AKAP19: variants seen among roughly 807,000 people sequenced by gnomAD.
AKAP19 encodes the protein small A-kinase anchoring protein.
the AKAP19 span, among the ~76,000 whole-genome samples, chr2:190,136,155 G>A: frequency 6.6e-6 from 1 of 152,312 alleles, no homozygotes; most frequent in Non-Finnish European, 1.5e-5. Flanking sequence ...CAGGAATTTT[G>A]AGGAAGGGAT....
the AKAP19 span, among the ~76,000 whole-genome samples, chr2:189,906,734 G>T: frequency 6.6e-6 from 1 of 151,990 alleles, no homozygotes; most frequent in African/African-American, 2.4e-5. Context: ...CATTTCAGTT[G>T]TTATAATATG....
chr2:189,953,586 A>G, the AKAP19 span, among the ~76,000 whole-genome samples: 3 of 144,044 alleles, frequency 2.1e-5, no homozygotes, highest in Non-Finnish European at 4.5e-5. Context: ...GTGAGCCCAG[A>G]TTGCACCATT....
chr2:190,191,371 C>G, the AKAP19 span, among the ~76,000 whole-genome samples: 7 of 152,194 alleles, frequency 4.6e-5, no homozygotes, highest in African/African-American at 1.7e-4. Context: ...TCTCAAACTC[C>G]TGACCTCAGG....
At chr2:189,913,309 T>C in the AKAP19 span, among the ~76,000 whole-genome samples, 1 of 152,238 alleles carries the variant, frequency 6.6e-6, no homozygotes, top group Non-Finnish European at 1.5e-5. Context: ...TTCACACTGT[T>C]CTTTCTCATC....
the AKAP19 span, among the ~76,000 whole-genome samples, chr2:189,929,503 A>C: frequency 6.6e-6 from 1 of 152,120 alleles, no homozygotes; most frequent in Non-Finnish European, 1.5e-5. Flanking sequence ...TAGATAAAAC[A>C]CACAGGAAAG....
the AKAP19 span, among the ~76,000 whole-genome samples, chr2:189,951,806 T>C: frequency 6.6e-6 from 1 of 152,204 alleles, no homozygotes; most frequent in African/African-American, 2.4e-5. Flanking sequence ...ATAAGAATTA[T>C]TTTGAGCTGA....
At chr2:190,149,066 C>T in the AKAP19 span, among the ~76,000 whole-genome samples, 8 of 151,148 alleles carry the variant, frequency 5.3e-5, no homozygotes, top group African/African-American at 1.2e-4. Flanking sequence ...CAGGTTCAAG[C>T]GATTCTCCTG....
the AKAP19 span, among the ~76,000 whole-genome samples, chr2:190,124,408 C>T: frequency 6.6e-6 from 1 of 152,198 alleles, no homozygotes; most frequent in Non-Finnish European, 1.5e-5. Context: ...GTACTGAATG[C>T]TACAGGCAAC....
chr2:189,912,665 C>G, the AKAP19 span, among the ~76,000 whole-genome samples: 1 of 152,184 alleles, frequency 6.6e-6, no homozygotes, highest in African/African-American at 2.4e-5. Flanking sequence ...TTATTATTGT[C>G]TCTATGCTTT....
At chr2:190,131,952 T>C in the AKAP19 span, among the ~76,000 whole-genome samples, 10 of 152,132 alleles carry the variant, frequency 6.6e-5, no homozygotes, top group South Asian at 2.1e-3. Context: ...AAAAAAAAAT[T>C]TGCACTAAAA....
chr2:190,050,894 A>C, the AKAP19 span, among the ~76,000 whole-genome samples: 1 of 152,282 alleles, frequency 6.6e-6, no homozygotes. Context: ...AAGTTCAGAC[A>C]TTTGAGAACG....
At chr2:190,162,741 A>G in the AKAP19 span, among the ~76,000 whole-genome samples, 1 of 152,206 alleles carries the variant, frequency 6.6e-6, no homozygotes, top group African/African-American at 2.4e-5. Context: ...GCTCCGATGG[A>G]CATATCAGAG....
At chr2:190,043,013 A>G in the AKAP19 span, among the ~76,000 whole-genome samples, 4 of 152,362 alleles carry the variant, frequency 2.6e-5, no homozygotes, top group South Asian at 8.3e-4. Flanking sequence ...AATGTTGAAT[A>G]TAGACCCCCA....
the AKAP19 span, chr2:190,057,274 C>A: frequency 1.9e-6 from 3 of 1,613,184 alleles, no homozygotes; most frequent in Non-Finnish European, 2.5e-6. Flanking sequence ...GCACCCACAG[C>A]GGTCTACTAC....
chr2:190,032,744 T>C, the AKAP19 span, among the ~76,000 whole-genome samples: 6 of 151,964 alleles, frequency 3.9e-5, no homozygotes, highest in African/African-American at 1.4e-4. Flanking sequence ...CCTGGCAAAA[T>C]GTTTTGTCTG....
the AKAP19 span, among the ~76,000 whole-genome samples, chr2:190,049,932 C>G: frequency 1.1e-4 from 17 of 152,254 alleles, no homozygotes; most frequent in African/African-American, 4.1e-4. Context: ...TATTTCCAAC[C>G]TTAAAAATAA....
the AKAP19 span, among the ~76,000 whole-genome samples, chr2:189,973,152 A>G: frequency 1.2e-4 from 18 of 152,256 alleles, no homozygotes; most frequent in African/African-American, 3.8e-4. Context: ...TTTGAGATAC[A>G]TCCCATCAAT....
the AKAP19 span, among the ~76,000 whole-genome samples, chr2:189,939,107 G>C: frequency 1.1e-3 from 160 of 152,258 alleles, 1 homozygote; most frequent in African/African-American, 3.7e-3. Context: ...ATATTCCTGA[G>C]GACAGCCAGA....
At chr2:189,918,896 A>G in the AKAP19 span, among the ~76,000 whole-genome samples, 2 of 152,248 alleles carry the variant, frequency 1.3e-5, no homozygotes, top group Admixed American at 1.3e-4. Flanking sequence ...GAAAGAACCC[A>G]GGTATAAATA....
Sources: allele counts gnomAD v4.1 joint callset (sites outside exome capture counted in the v4.1 genomes callset), GRCh38; gene constraint gnomAD v4.1.1; transcripts MANE v1.5; gene names NCBI Gene and HGNC (gene_info 2026-07-23, HGNC 2026-07-21).